Variants in KLHL3 observed in about 807,000 individuals in gnomAD.
KLHL3 encodes kelch like family member 3.
A neutral mutation model predicts 70.5 loss-of-function variants in KLHL3; 19 were observed. The observed-to-expected ratio is 0.27, with a 90% CI of 0.19 to 0.40. The LOEUF is 0.40. Among genes scored for constraint, KLHL3 ranks in the 10% least tolerant of loss-of-function variants. KLHL3 has a pLI of 1.00. For synonymous variants in KLHL3, 258 were observed against 290.3 expected, an observed-to-expected ratio of 0.89 and a Z score of 1.13; for missense variants, 512 against 771.1, an observed-to-expected ratio of 0.66 and a Z score of 3.98.
intron 6 of KLHL3, among the ~76,000 whole-genome samples, chr5:137,674,824 A>C (rs1443801150): frequency 6.6e-6 from 1 of 152,246 alleles, no homozygotes; most frequent in Non-Finnish European, 1.5e-5. Flanking sequence ...ATCACACACA[A>C]TGTAATTAAA....
chr5:137,718,007 T>C (rs1474233653), intron 2 of KLHL3, among the ~76,000 whole-genome samples: 1 of 152,234 alleles, frequency 6.6e-6, no homozygotes, highest in Admixed American at 6.5e-5. Flanking sequence ...TAGTCAAATA[T>C]GTGTGGAAAA....
At chr5:137,638,597 T>G (rs1360579220) in intron 10 of KLHL3, among the ~76,000 whole-genome samples, 1 of 152,192 alleles carries the variant, frequency 6.6e-6, no homozygotes, top group East Asian at 1.9e-4. Flanking sequence ...AGTGCTGGAC[T>G]CAGCTCCCTC....
chr5:137,639,218 A>G lies in KLHL3; in HGVS notation c.1022-68T>C. Reference sequence around the variant, plus strand: ...ATGACTGCTCATGTTGATGGATGGCAATGGAGGAGCAAGACAGACACAGGA... The same window carrying G: ...ATGACTGCTCATGTTGATGGATGGCGATGGAGGAGCAAGACAGACACAGGA... On this transcript the variant is annotated intron_variant, in intron 9 of 14. Transcript: ENST00000309755. This position sits in a 1 kb window ranked among gnomAD's most constrained non-coding sequence, Gnocchi z 5.0. 6.8e-7 allele frequency: 1 copy of G among 1,474,006 alleles called. No homozygotes were observed. The highest frequency in any genetic ancestry group is 2.4e-5 in the East Asian group (1 of 42,368). The allele number at this position is 1,474,006 out of a possible 1,614,324, so 91.3% of individuals were successfully genotyped here. A position where few individuals can be genotyped will look rare whatever the true frequency, so the allele number is the denominator to read the frequency against.
At chr5:137,648,779 T>C (rs1751124912) in intron 8 of KLHL3, among the ~76,000 whole-genome samples, 1 of 152,200 alleles carries the variant, frequency 6.6e-6, no homozygotes, top group Admixed American at 6.5e-5. Flanking sequence ...TTACTGAATA[T>C]AGTGCAGGTC....
At chr5:137,669,341 G>A (rs1751692857) in intron 6 of KLHL3, among the ~76,000 whole-genome samples, 1 of 152,120 alleles carries the variant, frequency 6.6e-6, no homozygotes, top group Non-Finnish European at 1.5e-5. Context: ...TGTCTCTCCT[G>A]TGACTAATAC....
Position 137,654,569 on chromosome 5 carries a change from C to G in KLHL3, c.903+3562G>C, listed in dbSNP as rs151156157. Among the ~76,000 whole-genome samples, 185 of 152,278 alleles carry G rather than the reference C, an allele frequency of 1.2e-3. 5 individuals carry two copies. The Middle Eastern group carries it at 0.024, about 20-fold the overall frequency. On this transcript the variant is annotated intron_variant, in intron 8 of 14. Coordinates refer to ENST00000309755, the MANE Select transcript of KLHL3 (RefSeq NM_017415.3). Reference sequence around the variant, plus strand: ...TCTTCAAGCCTTCAGTGGGGATCCCCTCACTAATTTAAGTGCTTAAACAAT... The same window carrying G: ...TCTTCAAGCCTTCAGTGGGGATCCCGTCACTAATTTAAGTGCTTAAACAAT...
intron 5 of KLHL3, among the ~76,000 whole-genome samples, chr5:137,690,832 T>C (rs1300679003): frequency 6.6e-6 from 1 of 152,100 alleles, no homozygotes; most frequent in Non-Finnish European, 1.5e-5. Flanking sequence ...TTCCAGACAC[T>C]GGCCAAACAG....
intron 1 of KLHL3, 79 bp from the exon 2 acceptor site, chr5:137,720,663 C>T: frequency 6.3e-7 from 1 of 1,592,606 alleles, no homozygotes; most frequent in Middle Eastern, 2.2e-4. Flanking sequence ...AAAGCCCATG[C>T]ATTTACCCAC....
chr5:137,719,121 C>T (rs1445610991), intron 2 of KLHL3, among the ~76,000 whole-genome samples: 1 of 152,260 alleles, frequency 6.6e-6, no homozygotes, highest in Non-Finnish European at 1.5e-5. Context: ...AAAGTTCCCA[C>T]CTGTCATACT....
chr5:137,733,630 A>G (rs776188047), intron 1 of KLHL3, among the ~76,000 whole-genome samples: 1 of 152,262 alleles, frequency 6.6e-6, no homozygotes, highest in Non-Finnish European at 1.5e-5. Flanking sequence ...AGAAAAGCTG[A>G]GTTTCCAAGA....
chr5:137,734,300 T>C (rs999714350), intron 1 of KLHL3, among the ~76,000 whole-genome samples: 2 of 152,178 alleles, frequency 1.3e-5, no homozygotes, highest in Admixed American at 6.5e-5. Context: ...ACTTAGGAAA[T>C]AGGCCTTCAT....
At chr5:137,729,045 T>C (rs1442913916) in intron 1 of KLHL3, among the ~76,000 whole-genome samples, 1 of 150,056 alleles carries the variant, frequency 6.7e-6, no homozygotes, top group African/African-American at 2.5e-5. Context: ...TGTGCGAGAA[T>C]GTAGAGGGAA....
intron 5 of KLHL3, among the ~76,000 whole-genome samples, chr5:137,685,774 A>G (rs1003942427): frequency 2.6e-5 from 4 of 152,188 alleles, no homozygotes; most frequent in African/African-American, 9.7e-5. Flanking sequence ...TGAGCTATCA[A>G]CCTCAACCTC....
intron 6 of KLHL3, among the ~76,000 whole-genome samples, chr5:137,664,925 T>C (rs981645786): frequency 2.0e-5 from 3 of 152,110 alleles, no homozygotes; most frequent in African/African-American, 7.2e-5. Flanking sequence ...TATCCTCAAA[T>C]AGAGAGATCT....
At chr5:137,715,720 C>T (rs1409038569) in intron 2 of KLHL3, among the ~76,000 whole-genome samples, 1 of 152,164 alleles carries the variant, frequency 6.6e-6, no homozygotes, top group Non-Finnish European at 1.5e-5. Flanking sequence ...ACAACAATAT[C>T]TAAGGCATAG....
In KLHL3 at chr5:137,686,012, T is replaced by C. The variant is rs1413115461; in HGVS notation, c.526+6273A>G. On this transcript the variant is annotated intron_variant, in intron 5 of 14. Coordinates refer to ENST00000309755, the MANE Select transcript of KLHL3 (RefSeq NM_017415.3). ...ATAGCAATAATAACAACAACAACAA[T>C]AACAACAGAAAAAGAAAGCTTTTTA... Among the ~76,000 whole-genome samples the C allele has an allele frequency of 2.0e-5, 3 of 151,552 alleles. No homozygotes were observed. The East Asian group carries it at 5.8e-4, about 29-fold the overall frequency.
chr5:137,731,281 T>C (rs549131750), intron 1 of KLHL3, among the ~76,000 whole-genome samples: 5 of 152,214 alleles, frequency 3.3e-5, no homozygotes, highest in Non-Finnish European at 7.3e-5. Flanking sequence ...TCAATTATCA[T>C]GGTTGAAATG....
At chr5:137,725,238 T>C (rs1007382795) in intron 1 of KLHL3, among the ~76,000 whole-genome samples, 1 of 152,112 alleles carries the variant, frequency 6.6e-6, no homozygotes, top group Non-Finnish European at 1.5e-5. Flanking sequence ...TCTAACACCA[T>C]ACTTTTCACC....
intron 2 of KLHL3, among the ~76,000 whole-genome samples, chr5:137,716,730 A>T (rs1752900213): frequency 6.6e-6 from 1 of 152,212 alleles, no homozygotes; most frequent in Non-Finnish European, 1.5e-5. Context: ...GCGCAATCTC[A>T]AAAAAGACTA....
Sources: gnomAD v4.1 joint callset for allele counts (sites outside exome capture counted in the v4.1 genomes callset) on GRCh38, gnomAD v4.1.1 for gene constraint, Gnocchi (gnomAD v3.1) non-coding constraint, MANE v1.5 for transcripts, NCBI Gene and HGNC (gene_info 2026-07-23, HGNC 2026-07-21) for gene names.